Variants in NUGGC observed in about 807,000 individuals in gnomAD.
The protein encoded by NUGGC is nuclear GTPase, germinal center associated, also known as nuclear GTPase SLIP-GC.
In NUGGC, 58 loss-of-function variants were observed where a neutral mutation model predicts 92.6. That is an observed-to-expected ratio of 0.63 (90% CI 0.51 to 0.78). NUGGC has a LOEUF of 0.78. Among genes scored for constraint, NUGGC ranks in the 30% least tolerant of loss-of-function variants. NUGGC has a pLI of 0.00. For missense variants in NUGGC, 925 were observed against 964.6 expected (o/e 0.96, Z 0.54); for synonymous variants, 376 against 366.4 (o/e 1.03, Z -0.30).
chr8:28,064,552 G>A lies in NUGGC; in HGVS notation c.891C>T (p.Phe297=). 6.2e-7 allele frequency: 1 copy of A among 1,614,036 alleles called. No individual in the cohort carries two copies. Residue 297 remains phenylalanine (F), a synonymous_variant, in exon 7 of 19, where the codon TTC becomes TTT. Coordinates refer to ENST00000413272, the MANE Select transcript of NUGGC (RefSeq NM_001010906.2). ...VLVDIPGTGD[F]NSKRDEMWKK... ...TCCACATCTCGTCCCTCTTGCTGTT[G>A]AAGTCGCCTGTGCCTGGGATGTCCA...
intron 14 of NUGGC, among the ~76,000 whole-genome samples, chr8:28,032,755 A>AGGAAGGAG (rs767321284): frequency 9.3e-5 from 14 of 151,240 alleles, no homozygotes; most frequent in Non-Finnish European, 1.5e-4. Context: ...TTAGAGGTCA[A>AGGAAGGAG]GGAAGGAGGG....
chr8:28,083,191 C>T (rs746143079), intron 1 of NUGGC, among the ~76,000 whole-genome samples: 3 of 152,170 alleles, frequency 2.0e-5, no homozygotes, highest in East Asian at 1.9e-4. Context: ...ACCAGACAAG[C>T]GCTGCCTCTA....
chr8:28,040,642 T>G (rs1442458538), intron 13 of NUGGC, among the ~76,000 whole-genome samples: 2 of 151,930 alleles, frequency 1.3e-5, no homozygotes, highest in African/African-American at 4.8e-5. Context: ...TTGTTTTTTG[T>G]TTTTTGTTCT....
At chr8:28,063,740 C>T (rs1296213707) in intron 7 of NUGGC, among the ~76,000 whole-genome samples, 1 of 152,212 alleles carries the variant, frequency 6.6e-6, no homozygotes, top group Non-Finnish European at 1.5e-5. Flanking sequence ...GGTTACCAAG[C>T]TCCCCTGGCA....
intron 10 of NUGGC, among the ~76,000 whole-genome samples, chr8:28,048,938 C>T (rs1170695617): frequency 2.0e-5 from 3 of 149,570 alleles, no homozygotes; most frequent in East Asian, 3.9e-4. Flanking sequence ...AAAACAGTGT[C>T]GTGGAGAAGT....
At position 28,064,349 on chromosome 8, in the gene NUGGC, T is replaced by C. The variant is rs151197684; in HGVS notation, c.921+173A>G. Among the ~76,000 whole-genome samples, 176 of 152,254 alleles carry C rather than the reference T, an allele frequency of 1.2e-3. 5 individuals are homozygous for C. The East Asian group carries it at 0.03, about 26-fold the overall frequency. Reference sequence around the variant, plus strand: ...TCCTGTGATTCCTCCCTCCCCACTTTCTCTGGCTACCCACACCCTGCCAGG... The same window carrying C: ...TCCTGTGATTCCTCCCTCCCCACTTCCTCTGGCTACCCACACCCTGCCAGG... On this transcript the variant is annotated intron_variant, in intron 7 of 18. Coordinates refer to ENST00000413272, the MANE Select transcript of NUGGC (RefSeq NM_001010906.2).
rs115359554 is a variant in NUGGC at position 28,063,917 on chromosome 8, C to T, written c.921+605G>A. Among the ~76,000 whole-genome samples the T allele has an allele frequency of 7.5e-3, 1,148 of 152,282 alleles. 14 individuals carry two copies. Among genetic ancestry groups the T allele is most frequent in the African/African-American group, 0.026 (1,101 of 41,556 alleles). On this transcript the variant is annotated intron_variant, in intron 7 of 18. Transcript: ENST00000413272. ...TGCTCCAGAGCGCCTCTGTTTACCG[C>T]GCCCTTTCTCAATCACATGCCCCAG...
At chr8:28,033,802 A>G in intron 13 of NUGGC, 105 bp from the exon 14 acceptor site, 3 of 972,088 alleles carry the variant, frequency 3.1e-6, no homozygotes, top group Non-Finnish European at 4.8e-6. Flanking sequence ...ATCACAGGAA[A>G]GTGTAGAGAC....
intron 6 of NUGGC, among the ~76,000 whole-genome samples, chr8:28,065,385 C>T (rs57569781): frequency 6.6e-6 from 1 of 152,138 alleles, no homozygotes; most frequent in African/African-American, 2.4e-5. Flanking sequence ...TGGGGTCGAT[C>T]TCCTGACGTT....
At chr8:28,053,588 A>G (rs939015507) in intron 10 of NUGGC, among the ~76,000 whole-genome samples, 4 of 152,234 alleles carry the variant, frequency 2.6e-5, no homozygotes, top group Non-Finnish European at 4.4e-5. Flanking sequence ...TCACCTTGCC[A>G]TCAGAGGTGT....
chr8:28,070,442 G>A (rs772895897), intron 2 of NUGGC, 86 bp from the exon 3 acceptor site: 1 of 697,682 alleles, frequency 1.4e-6, no homozygotes, highest in Non-Finnish European at 2.4e-6. Flanking sequence ...AAACTCAAAG[G>A]GTCTAACAGA....
intron 1 of NUGGC, among the ~76,000 whole-genome samples, chr8:28,081,190 ATGCCTGTAATTCCAGCTGCT>A (rs1008184826): frequency 4.6e-5 from 7 of 152,138 alleles, no homozygotes; most frequent in Non-Finnish European, 5.9e-5. Context: ...ATGGTGCAGC[ATGCCTGTAATTCCAGCTGCT>A]TGGGAGACTG....
At chr8:28,083,174 C>A (rs552756404) in intron 1 of NUGGC, among the ~76,000 whole-genome samples, 1 of 152,324 alleles carries the variant, frequency 6.6e-6, no homozygotes, top group South Asian at 2.1e-4. Context: ...CACCTTATAG[C>A]AGAGAAACCA....
chr8:28,080,671 T>C (rs551508781), intron 1 of NUGGC, among the ~76,000 whole-genome samples: 1 of 152,316 alleles, frequency 6.6e-6, no homozygotes, highest in East Asian at 1.9e-4. Context: ...GATCTAGATA[T>C]AGATATATAT....
chr8:28,058,679 A>G (rs1034672492), intron 8 of NUGGC, among the ~76,000 whole-genome samples: 1 of 152,062 alleles, frequency 6.6e-6, no homozygotes, highest in Non-Finnish European at 1.5e-5. Context: ...AATGCTTATC[A>G]TTAATAAATT....
At position 28,074,456 on chromosome 8, in the gene NUGGC, C is replaced by G. The variant is rs1421800736; in HGVS notation, c.-46G>C. The G allele has an allele frequency of 1.1e-5, 18 of 1,607,224 alleles. No individual in the cohort carries two copies. The highest frequency in any genetic ancestry group is 1.5e-5 in the Non-Finnish European group (18 of 1,175,152). On this transcript the variant is annotated splice_region_variant and 5_prime_UTR_variant, in exon 2 of 19. Transcript: ENST00000413272. ...GCTCTTCTCAGTTCAGGAGAACCAG[C>G]CTGTGAAGACAAAGTACAAAGACAG...
intron 7 of NUGGC, 87 bp from the exon 8 acceptor site, chr8:28,060,688 C>T (rs931513105): frequency 5.7e-6 from 7 of 1,225,020 alleles, no homozygotes; most frequent in African/African-American, 1.5e-5. Context: ...CCTTAAGCCT[C>T]TCCCTCCAGT....
rs1323170088 is a variant in NUGGC, at chr8:28,053,703, G to T, written c.1206+2262C>A. On this transcript the variant is annotated intron_variant, in intron 10 of 18. Coordinates refer to ENST00000413272, the MANE Select transcript of NUGGC (RefSeq NM_001010906.2). ...GCCCTAACTCATACAAACCAATTCG[G>T]CATGTTTACTGGCATAGTTGTAAAT... Among the ~76,000 whole-genome samples, 5 of 152,140 alleles carry T rather than the reference G, an allele frequency of 3.3e-5. No individual in the cohort carries two copies. In the South Asian group the frequency reaches 6.2e-4, roughly 19 times the overall value.
intron 5 of NUGGC, 84 bp from the exon 6 acceptor site, chr8:28,067,828 G>A: frequency 9.7e-7 from 1 of 1,031,844 alleles, no homozygotes; most frequent in Non-Finnish European, 1.5e-6. Flanking sequence ...GCCCCCTGTG[G>A]AGGGCCAGGG....
Sources: allele counts gnomAD v4.1 joint callset (sites outside exome capture counted in the v4.1 genomes callset), GRCh38; gene constraint gnomAD v4.1.1; transcripts MANE v1.5; gene names NCBI Gene and HGNC (gene_info 2026-07-23, HGNC 2026-07-21).